The following KCNIP4 variants were observed in gnomAD, a reference collection of about 807,000 sequenced individuals.
KCNIP4 encodes potassium voltage-gated channel interacting protein 4.
KCNIP4 carries 12 observed loss-of-function variants against 34.0 expected under a neutral mutation model. The ratio of observed to expected loss-of-function variants is 0.35; its 90% confidence interval spans 0.23 to 0.57. The LOEUF (loss-of-function observed/expected upper bound fraction) is 0.57. Among genes scored for constraint, KCNIP4 ranks in the 20% least tolerant of loss-of-function variants. The pLI is 0.83. For synonymous variants in KCNIP4, 124 were observed against 102.2 expected, an observed-to-expected ratio of 1.21 and a Z score of -1.29; for missense variants, 238 against 311.7, an observed-to-expected ratio of 0.76 and a Z score of 1.78.
intron 1 of KCNIP4, among the ~76,000 whole-genome samples, chr4:21,003,847 C>G (rs1211823885): frequency 6.6e-6 from 1 of 152,116 alleles, no homozygotes; most frequent in Non-Finnish European, 1.5e-5. Flanking sequence ...TAATTCTGGG[C>G]AGAGGCAACA....
At chr4:20,747,476 C>G (rs1752622317) in intron 5 of KCNIP4, among the ~76,000 whole-genome samples, 1 of 152,132 alleles carries the variant, frequency 6.6e-6, no homozygotes, top group Non-Finnish European at 1.5e-5. Flanking sequence ...AAGTTACTAT[C>G]ATGGAGTGAC....
At chr4:21,809,574 CT>C (rs1342673211) in intron 1 of KCNIP4, among the ~76,000 whole-genome samples, 1 of 152,114 alleles carries the variant, frequency 6.6e-6, no homozygotes, top group Non-Finnish European at 1.5e-5. Context: ...ATGTAGGTAT[CT>C]CATCTTTCCA....
chr4:21,090,366 A>C (rs562397718), intron 1 of KCNIP4, among the ~76,000 whole-genome samples: 5 of 152,200 alleles, frequency 3.3e-5, no homozygotes, highest in Admixed American at 6.6e-5. Flanking sequence ...AAACAAAGAC[A>C]ATAGAAAATT....
chr4:21,108,150 C>A (rs774952401), intron 1 of KCNIP4, among the ~76,000 whole-genome samples: 8 of 151,440 alleles, frequency 5.3e-5, no homozygotes, highest in Non-Finnish European at 1.2e-4. Context: ...ATTGGCCTGC[C>A]TTGCTAGATT....
At chr4:21,055,623 T>C (rs779385343) in intron 1 of KCNIP4, among the ~76,000 whole-genome samples, 7 of 152,108 alleles carry the variant, frequency 4.6e-5, no homozygotes, top group Non-Finnish European at 1.0e-4. Context: ...ACAACCAATA[T>C]GGAGGAAACT....
chr4:20,962,862 T>G (rs1036120711), intron 1 of KCNIP4, among the ~76,000 whole-genome samples: 5 of 152,202 alleles, frequency 3.3e-5, no homozygotes, highest in Non-Finnish European at 5.9e-5. Flanking sequence ...TCAACTCATG[T>G]CTTATCCATT....
intron 3 of KCNIP4, among the ~76,000 whole-genome samples, chr4:20,843,467 T>G (rs1217620313): frequency 2.6e-5 from 4 of 152,176 alleles, no homozygotes; most frequent in African/African-American, 9.6e-5. Context: ...TAGTGGCTCA[T>G]GCTTGTAATC....
At position 20,882,853 on chromosome 4, in the gene KCNIP4, C is replaced by A. The variant is rs867824221; in HGVS notation, c.62-144G>T. ...ATCACAGGCAGTGGGTTGGGACCCC[C>A]GAAAGGAAAAAAAAAGTTTGTTTTC... On this transcript the variant is annotated intron_variant, in intron 1 of 8. Coordinates refer to ENST00000382152, the MANE Select transcript of KCNIP4 (RefSeq NM_025221.6). 6.4e-5 allele frequency: 27 copies of A among 424,162 alleles called. 1 individual carries two copies. In the Middle Eastern group the frequency reaches 2.7e-3, roughly 42 times the overall value. 26.3% of individuals were successfully genotyped at this position (424,162 alleles called of 1,614,324 possible).
At chr4:20,892,102 C>T (rs554167102) in intron 1 of KCNIP4, among the ~76,000 whole-genome samples, 2 of 152,280 alleles carry the variant, frequency 1.3e-5, no homozygotes, top group Admixed American at 1.3e-4. Context: ...GTGTTGCTGA[C>T]TGAATATGAG....
chr4:20,851,575 T>C (rs1721026708), intron 2 of KCNIP4, among the ~76,000 whole-genome samples: 1 of 152,078 alleles, frequency 6.6e-6, no homozygotes, highest in Non-Finnish European at 1.5e-5. Context: ...GGTCAAATGG[T>C]ATTTCTGCCT....
intron 1 of KCNIP4, among the ~76,000 whole-genome samples, chr4:21,447,079 C>A (rs1456773486): frequency 6.6e-6 from 1 of 152,044 alleles, no homozygotes; most frequent in Non-Finnish European, 1.5e-5. Context: ...AAGTTTTATA[C>A]TTGCCATAGA....
At chr4:21,825,449 T>C (rs1219980513) in intron 1 of KCNIP4, among the ~76,000 whole-genome samples, 5 of 152,150 alleles carry the variant, frequency 3.3e-5, no homozygotes, top group East Asian at 1.9e-4. Context: ...CTCTGTTGAA[T>C]AGGAAATTTC....
intron 1 of KCNIP4, among the ~76,000 whole-genome samples, chr4:21,407,647 T>G (rs1724110146): frequency 6.6e-6 from 1 of 152,166 alleles, no homozygotes; most frequent in Admixed American, 6.5e-5. Context: ...TTGGTATCAG[T>G]TTAGTGCCAG....
chr4:20,733,715 T>C (rs976910665), intron 6 of KCNIP4, among the ~76,000 whole-genome samples: 4 of 152,170 alleles, frequency 2.6e-5, no homozygotes, highest in Admixed American at 6.5e-5. Flanking sequence ...TATAAAAATA[T>C]ACAAGAAGCA....
chr4:21,570,848 C>T (rs1336371951), intron 1 of KCNIP4, among the ~76,000 whole-genome samples: 1 of 152,066 alleles, frequency 6.6e-6, no homozygotes, highest in Non-Finnish European at 1.5e-5. Flanking sequence ...ACCCTCCAAA[C>T]AACACTATAC....
At chr4:21,939,465 C>T (rs190046254) in intron 1 of KCNIP4, among the ~76,000 whole-genome samples, 1 of 152,168 alleles carries the variant, frequency 6.6e-6, no homozygotes, top group Non-Finnish European at 1.5e-5. Context: ...AATTCCCTCA[C>T]TCCATGTCCC....
At chr4:21,846,111 C>G (rs1723998600) in intron 1 of KCNIP4, 1 of 152,006 alleles carries the variant, frequency 6.6e-6, no homozygotes, top group Non-Finnish European at 1.5e-5. Flanking sequence ...GTGCTCTTTT[C>G]AAAACACTCA....
chr4:21,003,533 G>A (rs1738312068), intron 1 of KCNIP4, among the ~76,000 whole-genome samples: 1 of 152,164 alleles, frequency 6.6e-6, no homozygotes, highest in African/African-American at 2.4e-5. Flanking sequence ...TGTCCCTGGT[G>A]AAAAGACACA....
chr4:21,483,827 A>G (rs1731670767), intron 1 of KCNIP4, among the ~76,000 whole-genome samples: 1 of 114,842 alleles, frequency 8.7e-6, no homozygotes, highest in South Asian at 2.8e-4. Flanking sequence ...AATAAAAATA[A>G]AAATGTGTGT....
Sources: allele counts gnomAD v4.1 joint callset (sites outside exome capture counted in the v4.1 genomes callset), GRCh38; gene constraint gnomAD v4.1.1; transcripts MANE v1.5; gene names NCBI Gene and HGNC (gene_info 2026-07-23, HGNC 2026-07-21).